The following DIP2A variants were observed in gnomAD, a reference collection of about 807,000 sequenced individuals.
DIP2A encodes the protein DIP2 acetate--CoA ligase A.
DIP2A carries 85 observed loss-of-function variants against 177.4 expected under a neutral mutation model. The observed-to-expected ratio is 0.48, with a 90% CI of 0.40 to 0.57. The LOEUF is 0.57. Among genes scored for constraint, DIP2A ranks in the 20% least tolerant of loss-of-function variants. The probability of loss-of-function intolerance (pLI) is 0.00; values close to 1 mark genes in which losing one functional copy is unlikely to be tolerated. For missense variants in DIP2A, 1,791 were observed against 2,100.2 expected (o/e 0.85, Z 2.88); for synonymous variants, 886 against 881.8 (o/e 1.00, Z -0.08).
chr21:46,543,648 T>A (rs2059916504), intron 18 of DIP2A, among the ~76,000 whole-genome samples: 1 of 151,612 alleles, frequency 6.6e-6, no homozygotes, highest in South Asian at 2.1e-4. Flanking sequence ...ATCCTACGGG[T>A]GATTTGTTTG....
chr21:46,502,794 G>A (rs1356682687), intron 5 of DIP2A, among the ~76,000 whole-genome samples: 1 of 152,032 alleles, frequency 6.6e-6, no homozygotes, highest in Admixed American at 6.6e-5. Flanking sequence ...ATTCATTGTT[G>A]TGGTAGAACA....
chr21:46,463,680 T>TTTTGTGTGTGTGTG (rs1555858071), intron 1 of DIP2A, among the ~76,000 whole-genome samples: 1 of 130,960 alleles, frequency 7.6e-6, no homozygotes, highest in East Asian at 2.1e-4. Flanking sequence ...TGGGATATAT[T>TTTTGTGTGTGTGTG]TGTGTGTGTG....
At chr21:46,566,263 G>C (rs1023580420) in intron 36 of DIP2A, among the ~76,000 whole-genome samples, 1 of 152,222 alleles carries the variant, frequency 6.6e-6, no homozygotes, top group South Asian at 2.1e-4. Flanking sequence ...AAGCTGGCCA[G>C]ATAAGGCAGA....
chr21:46,536,527 T>G (rs2059578376), intron 13 of DIP2A, among the ~76,000 whole-genome samples: 1 of 152,180 alleles, frequency 6.6e-6, no homozygotes, highest in Non-Finnish European at 1.5e-5. Context: ...GGTGTAGAGT[T>G]GAGAAGTAAG....
chr21:46,570,391 T>C (rs534497804), downstream of DIP2A, among the ~76,000 whole-genome samples: 37 of 152,336 alleles, frequency 2.4e-4, no homozygotes, highest in South Asian at 7.3e-3. Flanking sequence ...GTTGAATATG[T>C]CCTCGTGTTC....
intron 2 of DIP2A, 118 bp downstream of exon 2, chr21:46,484,946 G>C (rs931215774): frequency 2.1e-5 from 19 of 920,838 alleles, no homozygotes; most frequent in Non-Finnish European, 2.8e-5. Flanking sequence ...TTAAACACTG[G>C]TATATGTTGA....
Position 46,498,628 on chromosome 21 carries a change from G to A in DIP2A, c.450G>A (p.Gly150=). ...SEDEGSLRRP[G]RLTSTPLQSH... The stretch of plus-strand genomic sequence containing the variant: ...ATGAGGGCTCTTTACGGCGACCCGG[G>A]CGACTCACCTCCACTCCGCTCCAGA... Residue 150 remains glycine, a synonymous_variant, in exon 5 of 38, where the codon GGG becomes GGA. Transcript: ENST00000417564. The surrounding 1 kb of genome is among the most constrained non-coding windows in gnomAD (Gnocchi z 4.3). 1 of 1,613,020 alleles carries A rather than the reference G, an allele frequency of 6.2e-7. No homozygotes were observed. The highest frequency in any genetic ancestry group is 8.5e-7 in the Non-Finnish European group (1 of 1,179,514).
At chr21:46,519,960 C>T (rs1020272266) in intron 8 of DIP2A, among the ~76,000 whole-genome samples, 10 of 142,072 alleles carry the variant, frequency 7.0e-5, no homozygotes, top group South Asian at 4.5e-4. Context: ...CTGCAAGCTC[C>T]GCCTCCAGGG....
intron 8 of DIP2A, 89 bp downstream of exon 8, chr21:46,511,703 A>G: frequency 7.7e-7 from 1 of 1,304,344 alleles, no homozygotes; most frequent in Non-Finnish European, 1.0e-6. Flanking sequence ...CTTGATAAAT[A>G]TTCCTGAGAA....
At chr21:46,493,236 G>A (rs1327516558) in intron 3 of DIP2A, among the ~76,000 whole-genome samples, 1 of 152,152 alleles carries the variant, frequency 6.6e-6, no homozygotes, top group African/African-American at 2.4e-5. Flanking sequence ...CTTGGGGTTT[G>A]TTGAGTATTT....
chr21:46,554,624 G>T lies in DIP2A; in HGVS notation c.3204G>T (p.Val1068=). Residue 1068 remains valine (V), a synonymous_variant, in exon 27 of 38, where the codon GTG becomes GTT. Coordinates refer to ENST00000417564, the MANE Select transcript of DIP2A (RefSeq NM_015151.4). ...ATGGCTGCTTGTACTGTGGCTGCGTGCCTGTCACCGTGCGGCCCCCGCACC... is the reference window on the plus strand; with the variant it reads ...ATGGCTGCTTGTACTGTGGCTGCGTTCCTGTCACCGTGCGGCCCCCGCACC... ...AFYGCLYCGC[V]PVTVRPPHPQ... The T allele has an allele frequency of 6.2e-7, 1 of 1,607,124 alleles. No homozygotes were observed. The highest frequency in any genetic ancestry group is 8.5e-7 in the Non-Finnish European group (1 of 1,177,042).
At chr21:46,528,514 CT>C (rs1569042990) in intron 8 of DIP2A, among the ~76,000 whole-genome samples, 2 of 99,254 alleles carry the variant, frequency 2.0e-5, no homozygotes, top group African/African-American at 4.2e-5. Context: ...CAAATACTGA[CT>C]TTTTCTGCTT....
rs770572921 is a variant in DIP2A at position 46,498,805 on chromosome 21, C to T, written c.627C>T (p.Leu209=). 7.4e-6 allele frequency: 12 copies of T among 1,613,514 alleles called. No homozygotes were observed. In the African/African-American group the frequency reaches 8.0e-5, roughly 11 times the overall value. The change falls in exon 5 of 38, where the codon CTC becomes CTT. Residue 209 remains leucine (L), a synonymous_variant. Transcript: ENST00000417564. This position sits in a 1 kb window ranked among gnomAD's most constrained non-coding sequence, Gnocchi z 4.3. ...CGGGGGCCGCCGCTACCACTGCACT[C>T]GCAGGCCTCGAGGCCCACACCCACA... The part of the protein sequence containing the change: ...ATPGAAATTA[L]AGLEAHTHID...
At position 46,556,357 on chromosome 21, in the gene DIP2A, A is replaced by C; in HGVS notation, c.3498+266A>C. 7.0e-7 allele frequency: 1 copy of C among 1,426,034 alleles called. No individual in the cohort carries two copies. The highest frequency in any genetic ancestry group is 9.4e-7 in the Non-Finnish European group (1 of 1,068,032). The allele number at this position is 1,426,034 out of a possible 1,614,324, so 88.3% of individuals were successfully genotyped here. On this transcript the variant is annotated intron_variant, in intron 29 of 37. Transcript: ENST00000417564. The surrounding 1 kb of genome is among the most constrained non-coding windows in gnomAD (Gnocchi z 4.5). ...TTACAGGAACTGGTGGCTTTGAAGA[A>C]TCTCTTACCTTGCTGGGAGTCAATA... is the stretch of plus-strand genomic sequence containing the variant.
At chr21:46,473,372 A>G (rs899294039) in intron 1 of DIP2A, among the ~76,000 whole-genome samples, 14 of 145,896 alleles carry the variant, frequency 9.6e-5, no homozygotes, top group African/African-American at 3.6e-4. Flanking sequence ...CCGATGTGGG[A>G]GGATTGCTTG....
chr21:46,583,862 C>T, the DIP2A span, among the ~76,000 whole-genome samples: 11 of 152,274 alleles, frequency 7.2e-5, no homozygotes, highest in African/African-American at 2.4e-4. Flanking sequence ...AATTTCTGTT[C>T]ATTATTAAAT....
intron 10 of DIP2A, 36 bp downstream of exon 10, chr21:46,532,273 C>A (rs1356199139): frequency 1.3e-6 from 2 of 1,553,124 alleles, no homozygotes; most frequent in Admixed American, 3.4e-5. Flanking sequence ...GTGTGGTTCG[C>A]TTCTGAACTT....
At chr21:46,495,947 C>T (rs530031042) in intron 3 of DIP2A, among the ~76,000 whole-genome samples, 25 of 151,946 alleles carry the variant, frequency 1.6e-4, no homozygotes, top group Non-Finnish European at 3.4e-4. Context: ...TGGGGGGTGC[C>T]TGTAATCCCA....
intron 21 of DIP2A, among the ~76,000 whole-genome samples, chr21:46,548,737 A>T (rs2060156952): frequency 6.9e-6 from 1 of 145,538 alleles, no homozygotes; most frequent in African/African-American, 2.7e-5. Context: ...AGGAGAAGGG[A>T]TATGTTTAGT....
Sources: gnomAD v4.1 joint callset for allele counts (sites outside exome capture counted in the v4.1 genomes callset) on GRCh38, gnomAD v4.1.1 for gene constraint, Gnocchi (gnomAD v3.1) non-coding constraint, MANE v1.5 for transcripts, NCBI Gene and HGNC (gene_info 2026-07-23, HGNC 2026-07-21) for gene names.